XIAP: variants seen among roughly 807,000 people sequenced by gnomAD.
XIAP encodes X-linked inhibitor of apoptosis.
Under a neutral mutation model 33.1 loss-of-function variants are expected in XIAP, and 3 were observed. The ratio of observed to expected loss-of-function variants is 0.09; its 90% CI spans 0.04 to 0.23. The LOEUF is 0.23. XIAP is among the 10% of genes least tolerant of loss of function. The pLI, the probability that XIAP is intolerant of heterozygous loss-of-function variation, is 1.00. For missense variants in XIAP, 264 were observed against 363.0 expected, an observed-to-expected ratio of 0.73 and a Z score of 2.22; for synonymous variants, 98 against 121.3, an observed-to-expected ratio of 0.81 and a Z score of 1.26.
At chrX:123,868,616 C>T (rs772474557) in intron 1 of XIAP, among the ~76,000 whole-genome samples, 8 of 110,904 alleles carry the variant, frequency 7.2e-5, no homozygotes, top group African/African-American at 2.3e-4. Context: ...CCTGTAATCC[C>T]AGCTACTCTG....
intron 1 of XIAP, among the ~76,000 whole-genome samples, chrX:123,876,125 C>T (rs150968391): frequency 1.2e-4 from 13 of 111,754 alleles, no homozygotes; most frequent in African/African-American, 3.9e-4. Context: ...ATTGCCCAGT[C>T]TGGTCTTAAA....
intron 6 of XIAP, among the ~76,000 whole-genome samples, chrX:123,902,949 G>T (rs1435965963): frequency 1.8e-5 from 2 of 110,721 alleles, no homozygotes; most frequent in Non-Finnish European, 3.8e-5. Flanking sequence ...GTGGGGAGGA[G>T]AAGGGGAAAG....
chrX:123,896,978 C>T (rs1271441257), intron 5 of XIAP, among the ~76,000 whole-genome samples: 4 of 96,194 alleles, frequency 4.2e-5, no homozygotes, highest in Non-Finnish European at 6.1e-5. Context: ...GTTGCCCAGG[C>T]TGGAGTGCAA....
chrX:123,889,336 C>T (rs1054533272), intron 3 of XIAP, among the ~76,000 whole-genome samples: 3 of 108,447 alleles, frequency 2.8e-5, no homozygotes, highest in Non-Finnish European at 5.7e-5. Flanking sequence ...GTGATCCGCC[C>T]GCCTCGGCCT....
intron 1 of XIAP, among the ~76,000 whole-genome samples, chrX:123,863,046 G>T (rs1012136486): frequency 1.8e-5 from 2 of 109,682 alleles, no homozygotes; most frequent in African/African-American, 6.6e-5. Context: ...GCCATGATTG[G>T]GCCACTGTAC....
chrX:123,880,477 C>T (rs2053290426), intron 1 of XIAP, among the ~76,000 whole-genome samples: 2 of 107,213 alleles, frequency 1.9e-5, no homozygotes, highest in Admixed American at 1.0e-4. Context: ...TGGTTCACAC[C>T]TGTTATCCCA....
At chrX:123,903,386 C>G (rs1262929428) in intron 6 of XIAP, among the ~76,000 whole-genome samples, 2 of 108,419 alleles carry the variant, frequency 1.8e-5, no homozygotes, top group African/African-American at 6.7e-5. Context: ...CGGGGTTTCT[C>G]CATGTTGGTC....
chrX:123,887,749 T>C (rs1025943737), intron 2 of XIAP, among the ~76,000 whole-genome samples: 168 of 111,050 alleles, frequency 1.5e-3, no homozygotes, highest in African/African-American at 5.2e-3. Flanking sequence ...TTTGGGAGGC[T>C]GAGGTGGGTG....
intron 1 of XIAP, among the ~76,000 whole-genome samples, chrX:123,882,728 T>C (rs1427317000): frequency 8.9e-6 from 1 of 112,570 alleles, no homozygotes; most frequent in African/African-American, 3.2e-5. Flanking sequence ...AGGATTGCCT[T>C]TAAGTGATTT....
intron 1 of XIAP, among the ~76,000 whole-genome samples, chrX:123,862,847 C>G (rs1299193221): frequency 9.3e-6 from 1 of 107,779 alleles, no homozygotes; most frequent in Non-Finnish European, 1.9e-5. Context: ...AACAGTGCAC[C>G]TTTGTCCCGA....
intron 6 of XIAP, among the ~76,000 whole-genome samples, chrX:123,904,069 G>C (rs1285704185): frequency 2.7e-5 from 3 of 111,528 alleles, no homozygotes; most frequent in East Asian, 5.6e-4. Flanking sequence ...ACTACTCTAG[G>C]TGTCAGTATT....
At chrX:123,864,817 T>TGTGTG (rs2053118231) in intron 1 of XIAP, among the ~76,000 whole-genome samples, 6 of 59,537 alleles carry the variant, frequency 1.0e-4, no homozygotes, top group Admixed American at 2.2e-4. Flanking sequence ...TGTGTGTGTG[T>TGTGTG]TTTAGTAAAG....
intron 5 of XIAP, among the ~76,000 whole-genome samples, chrX:123,893,466 T>G (rs900714967): frequency 9.1e-6 from 1 of 110,356 alleles, no homozygotes; most frequent in Admixed American, 9.7e-5. Flanking sequence ...AGGTGGAGGT[T>G]GCAGTGAGCC....
chrX:123,874,999 A>G (rs1428670578), intron 1 of XIAP, among the ~76,000 whole-genome samples: 4 of 98,262 alleles, frequency 4.1e-5, no homozygotes, highest in African/African-American at 1.6e-4. Flanking sequence ...GGCATGAGCC[A>G]CTGCGCCTGG....
chrX:123,860,336 T>G (rs1232815170), intron 1 of XIAP, 43 bp downstream of exon 1: 1 of 326,180 alleles, frequency 3.1e-6, no homozygotes, highest in Admixed American at 3.1e-5. Context: ...CCGCTTTCCC[T>G]CCTTCCCCTC....
chrX:123,894,290 G>A (rs1035654771), intron 5 of XIAP, among the ~76,000 whole-genome samples: 3 of 112,451 alleles, frequency 2.7e-5, no homozygotes, highest in South Asian at 3.6e-4. Flanking sequence ...AGTGACTTGC[G>A]CACAATCACA....
chrX:123,894,952 A>AAGTAAG (rs1569478739), intron 5 of XIAP, among the ~76,000 whole-genome samples: 1 of 65,981 alleles, frequency 1.5e-5, no homozygotes, highest in Non-Finnish European at 2.6e-5. Context: ...TCAAACATAA[A>AAGTAAG]TAAGTAAATA....
rs2053602862 is a variant in XIAP, at chrX:123,911,502, CAATA to C, written c.*4330_*4333del. 3.2e-6 allele frequency: 1 copy of C among 308,946 alleles called. No individual in the cohort carries two copies. Among genetic ancestry groups the C allele is most frequent in the Admixed American group, 3.6e-5 (1 of 27,963 alleles). 25.5% of individuals were successfully genotyped at this position (308,946 alleles called of 1,213,427 possible). ...CAAAAAAAAAAAAAGATATAAATCA[CAATA>C]AATAAATAGGTCAATACAAATGTTA... On this transcript the variant is annotated 3_prime_UTR_variant, in exon 7 of 7. Transcript: ENST00000371199.
At chrX:123,871,959 G>T (rs1487639946) in intron 1 of XIAP, among the ~76,000 whole-genome samples, 2 of 110,143 alleles carry the variant, frequency 1.8e-5, no homozygotes, top group Non-Finnish European at 3.8e-5. Context: ...AAATTAGCTG[G>T]GTATGGTGGC....
Sources: gnomAD v4.1 joint callset for allele counts (sites outside exome capture counted in the v4.1 genomes callset) on GRCh38, gnomAD v4.1.1 for gene constraint, MANE v1.5 for transcripts, NCBI Gene and HGNC (gene_info 2026-07-23, HGNC 2026-07-21) for gene names.